Variants in MTUS2 observed in about 807,000 individuals in gnomAD.
MTUS2 encodes the protein microtubule associated scaffold protein 2, also known as microtubule-associated tumor suppressor candidate 2.
MTUS2 carries 40 observed loss-of-function variants against 114.1 expected under a neutral mutation model. The ratio of observed to expected loss-of-function variants is 0.35; its 90% CI spans 0.27 to 0.46. The LOEUF is 0.46. Ranked by LOEUF, MTUS2 falls within the 20% of genes least tolerant of loss-of-function variation. MTUS2 has a pLI of 1.00. For synonymous variants in MTUS2, 688 were observed against 672.0 expected, an observed-to-expected ratio of 1.02 and a Z score of -0.37; for missense variants, 1,679 against 1,705.4, an observed-to-expected ratio of 0.98 and a Z score of 0.27.
intron 4 of MTUS2, among the ~76,000 whole-genome samples, chr13:29,082,323 G>C (rs998617031): frequency 1.3e-5 from 2 of 152,046 alleles, no homozygotes; most frequent in Admixed American, 6.6e-5. Flanking sequence ...ATGACGGCCT[G>C]AGCTGACTAA....
At chr13:28,945,840 A>G (rs767441503) in intron 2 of MTUS2, among the ~76,000 whole-genome samples, 10 of 151,930 alleles carry the variant, frequency 6.6e-5, no homozygotes, top group Non-Finnish European at 1.5e-4. Flanking sequence ...CCATTTTTCT[A>G]TTTTGTTTTT....
At chr13:29,069,906 T>C (rs1888834862) in intron 4 of MTUS2, among the ~76,000 whole-genome samples, 1 of 152,254 alleles carries the variant, frequency 6.6e-6, no homozygotes, top group Non-Finnish European at 1.5e-5. Context: ...GTCCTGTTTA[T>C]CATTGTATAT....
chr13:29,476,516 C>G (rs1418723805), intron 9 of MTUS2: 1 of 152,000 alleles, frequency 6.6e-6, no homozygotes, highest in Non-Finnish European at 1.5e-5. Context: ...TTCTTCCTCT[C>G]TTTTGGTAAA....
chr13:29,093,604 TTGTATTC>T (rs1266310423), intron 4 of MTUS2, among the ~76,000 whole-genome samples: 6 of 152,344 alleles, frequency 3.9e-5, no homozygotes, highest in African/African-American at 1.4e-4. Context: ...GTATGTTGAA[TTGTATTC>T]TGTAAACTTG....
intron 8 of MTUS2, among the ~76,000 whole-genome samples, chr13:29,422,548 A>C (rs1378138224): frequency 6.6e-6 from 1 of 152,206 alleles, no homozygotes; most frequent in Non-Finnish European, 1.5e-5. Flanking sequence ...ACTTCAATGC[A>C]AGAAAATATG....
chr13:28,898,196 G>A (rs1268213313), intron 2 of MTUS2, among the ~76,000 whole-genome samples: 1 of 152,134 alleles, frequency 6.6e-6, no homozygotes, highest in Non-Finnish European at 1.5e-5. Flanking sequence ...GTAGGTATTT[G>A]TAGTCCATGA....
chr13:29,033,987 C>A lies in MTUS2; in HGVS notation c.2308C>A (p.Leu770Ile), dbSNP rs1450885696. ...GTCAGCCATGCTCCTTAAGCCCCAGCTAGGATTGGGTGCAATGTCCCGTTT... is the reference window on the plus strand; with the variant it reads ...GTCAGCCATGCTCCTTAAGCCCCAGATAGGATTGGGTGCAATGTCCCGTTT... Reference protein sequence around the residue: ...YRSAMLLKPQLGLGAMSRLPS... With the variant: ...YRSAMLLKPQIGLGAMSRLPS... Residue 770 changes from leucine (L) to isoleucine (I), a missense_variant, in exon 4 of 16, where the codon CTA becomes ATA. Coordinates refer to ENST00000612955, the MANE Select transcript of MTUS2 (RefSeq NM_001033602.4). The A allele has an allele frequency of 6.2e-7, 1 of 1,614,020 alleles. No individual in the cohort carries two copies. Among genetic ancestry groups the A allele is most frequent in the Non-Finnish European group, 8.5e-7 (1 of 1,179,902 alleles).
intron 2 of MTUS2, among the ~76,000 whole-genome samples, chr13:28,991,969 G>C (rs996358286): frequency 6.6e-6 from 1 of 152,182 alleles, no homozygotes; most frequent in Non-Finnish European, 1.5e-5. Context: ...GGCTGAAGCT[G>C]CTCCTCCCTT....
At chr13:28,997,660 C>G (rs1885177913) in intron 2 of MTUS2, among the ~76,000 whole-genome samples, 1 of 152,004 alleles carries the variant, frequency 6.6e-6, no homozygotes, top group Non-Finnish European at 1.5e-5. Context: ...TTCTTTGTCT[C>G]TTTTGATCTT....
intron 7 of MTUS2, among the ~76,000 whole-genome samples, chr13:29,354,460 T>G (rs1869569493): frequency 6.6e-6 from 1 of 152,166 alleles, no homozygotes; most frequent in African/African-American, 2.4e-5. Context: ...TTCCTAAAGT[T>G]GAAAATACTG....
intron 4 of MTUS2, among the ~76,000 whole-genome samples, chr13:29,047,055 G>GGC (rs1233114160): frequency 6.6e-6 from 1 of 152,232 alleles, no homozygotes; most frequent in Non-Finnish European, 1.5e-5. Flanking sequence ...TGGCCAAGGA[G>GGC]GCACCCCTCT....
chr13:29,074,830 C>T (rs1186631019), intron 4 of MTUS2, among the ~76,000 whole-genome samples: 1 of 152,218 alleles, frequency 6.6e-6, no homozygotes, highest in African/African-American at 2.4e-5. Flanking sequence ...GACTTTCTGT[C>T]TCTCTTAAAC....
intron 2 of MTUS2, among the ~76,000 whole-genome samples, chr13:28,967,897 G>A (rs554105661): frequency 6.6e-6 from 1 of 152,200 alleles, no homozygotes; most frequent in Non-Finnish European, 1.5e-5. Context: ...ATAAAAACAT[G>A]TATGAACGTG....
At chr13:29,357,172 C>CATGGTG (rs1555268736) in intron 7 of MTUS2, among the ~76,000 whole-genome samples, 1 of 150,792 alleles carries the variant, frequency 6.6e-6, no homozygotes, top group Non-Finnish European at 1.5e-5. Flanking sequence ...TAATTTCTAA[C>CATGGTG]ATGATGATGA....
intron 5 of MTUS2, among the ~76,000 whole-genome samples, chr13:29,221,837 A>G (rs1895920470): frequency 6.6e-6 from 1 of 151,780 alleles, no homozygotes; most frequent in African/African-American, 2.4e-5. Flanking sequence ...TTTTCCCAAT[A>G]TATTTTCCAT....
chr13:29,140,885 A>G (rs1892192334), intron 5 of MTUS2, among the ~76,000 whole-genome samples: 1 of 152,148 alleles, frequency 6.6e-6, no homozygotes, highest in Non-Finnish European at 1.5e-5. Flanking sequence ...TGCTCATCCC[A>G]TGCCTGGCAT....
chr13:29,375,429 A>C (rs9508426), intron 8 of MTUS2, among the ~76,000 whole-genome samples: 32 of 10,516 alleles, frequency 3.0e-3, no homozygotes, highest in Non-Finnish European at 4.0e-3. Context: ...TTAATGGCAA[A>C]AACCGCAATT....
intron 7 of MTUS2, among the ~76,000 whole-genome samples, chr13:29,356,991 T>G (rs1208132853): frequency 1.3e-5 from 2 of 152,128 alleles, no homozygotes; most frequent in East Asian, 3.9e-4. Flanking sequence ...AGAATGCGGG[T>G]TGTTCGCTGG....
chr13:29,298,029 T>A (rs1431028158), intron 6 of MTUS2, among the ~76,000 whole-genome samples: 1 of 152,214 alleles, frequency 6.6e-6, no homozygotes, highest in African/African-American at 2.4e-5. Flanking sequence ...ACAAAATCTC[T>A]TCAGTGCATT....
Sources: allele counts gnomAD v4.1 joint callset (sites outside exome capture counted in the v4.1 genomes callset), GRCh38; gene constraint gnomAD v4.1.1; transcripts MANE v1.5; gene names NCBI Gene and HGNC (gene_info 2026-07-23, HGNC 2026-07-21).